PLXNA4: variants seen among roughly 807,000 people sequenced by gnomAD.
PLXNA4 encodes the protein plexin A4, also known as plexin-A4.
In PLXNA4, 44 loss-of-function variants were observed where a neutral mutation model predicts 191.8. That is an observed-to-expected ratio of 0.23 (90% CI 0.18 to 0.29). The LOEUF is 0.29. PLXNA4 is among the 10% of genes least tolerant of loss of function. The pLI is 1.00. For synonymous variants in PLXNA4, 1,082 were observed against 1,009.5 expected, an observed-to-expected ratio of 1.07 and a Z score of -1.36; for missense variants, 1,800 against 2,488.8, an observed-to-expected ratio of 0.72 and a Z score of 5.89.
Position 132,221,094 on chromosome 7 carries a change from C to T in PLXNA4, c.2097+2433G>A, listed in dbSNP as rs534612156. Among the ~76,000 whole-genome samples the T allele has an allele frequency of 4.6e-5, 7 of 152,012 alleles. No individual in the cohort carries two copies. In the East Asian group the frequency reaches 9.7e-4, roughly 21 times the overall value. On this transcript the variant is annotated intron_variant, in intron 9 of 31. Coordinates refer to ENST00000321063, the MANE Select transcript of PLXNA4 (RefSeq NM_020911.2). The stretch of plus-strand genomic sequence containing the variant: ...GAACTCCTGGACTCAAGTGATCCTC[C>T]CACCTTGGCCTGCCAAAGTGCTGGT...
At chr7:132,340,102 C>T (rs1028979397) in intron 3 of PLXNA4, among the ~76,000 whole-genome samples, 2 of 152,178 alleles carry the variant, frequency 1.3e-5, no homozygotes, top group Non-Finnish European at 1.5e-5. Flanking sequence ...GTCTCATTCA[C>T]AATCTTTGCT....
upstream of PLXNA4, among the ~76,000 whole-genome samples, chr7:132,578,652 C>T (rs1039285098): frequency 1.3e-5 from 2 of 152,064 alleles, no homozygotes; most frequent in African/African-American, 4.8e-5. Flanking sequence ...CAGAGAGGAC[C>T]CTGCTGAAAC....
chr7:132,187,456 G>T lies in PLXNA4; in HGVS notation c.2993+15C>A, dbSNP rs369920419. 2.5e-6 allele frequency: 4 copies of T among 1,608,510 alleles called. No homozygotes were observed. Among genetic ancestry groups the T allele is most frequent in the Non-Finnish European group, 3.4e-6 (4 of 1,176,934 alleles). The stretch of plus-strand genomic sequence containing the variant: ...TTCCCTCTCTGGTGCTGCAGAAAGG[G>T]GCCCTCTGAGTTACCTGTGGAAGAG... On this transcript the variant is annotated intron_variant, in intron 15 of 31. Transcript: ENST00000321063.
At chr7:132,285,890 G>C (rs1351298489) in intron 4 of PLXNA4, among the ~76,000 whole-genome samples, 1 of 152,104 alleles carries the variant, frequency 6.6e-6, no homozygotes, top group Non-Finnish European at 1.5e-5. Flanking sequence ...CCAACACCTG[G>C]CCTGTTGAGA....
intron 1 of PLXNA4, among the ~76,000 whole-genome samples, chr7:132,510,451 A>G (rs1585248833): frequency 7.9e-6 from 1 of 126,654 alleles, no homozygotes; most frequent in African/African-American, 2.5e-5. Context: ...AAGGGCCTTC[A>G]TTCATTCACC....
intron 1 of PLXNA4, among the ~76,000 whole-genome samples, chr7:132,575,863 C>T (rs1405726076): frequency 6.6e-6 from 1 of 152,166 alleles, no homozygotes; most frequent in Non-Finnish European, 1.5e-5. Flanking sequence ...AACTGCAGCC[C>T]CAACCGCCTA....
chr7:132,533,957 A>ATTAT (rs1171347778), intron 1 of PLXNA4, among the ~76,000 whole-genome samples: 262 of 152,062 alleles, frequency 1.7e-3, no homozygotes, highest in African/African-American at 6.1e-3. Flanking sequence ...TACTATTATT[A>ATTAT]TGTTAACAAG....
intron 23 of PLXNA4, 97 bp downstream of exon 23, chr7:132,165,037 C>A: frequency 1.3e-6 from 2 of 1,501,576 alleles, no homozygotes; most frequent in South Asian, 2.7e-5. Context: ...AAGAGCCAGG[C>A]CCAGTAAGGG....
In PLXNA4 at chr7:132,508,149, T is replaced by C; in HGVS notation, c.545A>G (p.Lys182Arg). The C allele has an allele frequency of 6.2e-7, 1 of 1,614,228 alleles. No individual in the cohort carries two copies. Among genetic ancestry groups the C allele is most frequent in the Non-Finnish European group, 8.5e-7 (1 of 1,180,054 alleles). The part of the protein sequence containing the change: ...VIVSYSNLDD[K>R]LFIATAVDGK... The stretch of plus-strand genomic sequence containing the variant: ...ATCCACTGCCGTGGCAATGAACAGC[T>C]TGTCATCCAGGTTGCTGTAGGAGAC... Residue 182 changes from lysine to arginine, a missense_variant, in exon 2 of 32, where the codon AAG becomes AGG. By Grantham distance (26) the Lys-to-Arg change is conservative. Around this residue, in one of 6 missense-constraint regions of PLXNA4, gnomAD observed 1,397 missense variants for 1,880.4 expected, o/e 0.74. Coordinates refer to ENST00000321063, the MANE Select transcript of PLXNA4 (RefSeq NM_020911.2). The surrounding 1 kb of genome is among the most constrained non-coding windows in gnomAD (Gnocchi z 4.4).
intron 28 of PLXNA4, 48 bp downstream of exon 28, chr7:132,146,462 C>T: frequency 6.2e-7 from 1 of 1,614,086 alleles, no homozygotes; most frequent in Non-Finnish European, 8.5e-7. Flanking sequence ...GATGAAGTCC[C>T]TCTCCATAGC....
chr7:132,270,634 A>T (rs1563003603), intron 4 of PLXNA4, among the ~76,000 whole-genome samples: 2 of 152,222 alleles, frequency 1.3e-5, no homozygotes. Flanking sequence ...TGTTGTATAT[A>T]TGTAATACCT....
At chr7:132,317,062 G>A (rs1801971110) in intron 3 of PLXNA4, among the ~76,000 whole-genome samples, 2 of 152,272 alleles carry the variant, frequency 1.3e-5, no homozygotes, top group East Asian at 1.9e-4. Context: ...ATTGGATTAG[G>A]TTGGGTTGAA....
At position 132,223,541 on chromosome 7, in the gene PLXNA4, C is replaced by T; in HGVS notation, c.2083G>A (p.Val695Met). Residue 695 changes from valine (V) to methionine (M), a missense_variant, in exon 9 of 32, where the codon GTG (valine) becomes ATG (methionine). By Grantham distance (21) the Val-to-Met change is conservative. Around this residue, in one of 6 missense-constraint regions of PLXNA4, gnomAD observed 1,397 missense variants for 1,880.4 expected, o/e 0.74. Coordinates refer to ENST00000321063, the MANE Select transcript of PLXNA4 (RefSeq NM_020911.2). Reference sequence around the variant, plus strand: ...CAGGGACCTACCTCGGGCAGCTTCACTCGGCCTTCCTGGAAGGAGCAGGTC... The same window carrying T: ...CAGGGACCTACCTCGGGCAGCTTCATTCGGCCTTCCTGGAAGGAGCAGGTC... ...PKTCSFQEGR[V>M]KLPEDCPQLL... is the part of the protein sequence containing the mutation. 1 of 1,613,174 alleles carries T rather than the reference C, an allele frequency of 6.2e-7. No homozygotes were observed. Among genetic ancestry groups the T allele is most frequent in the Non-Finnish European group, 8.5e-7 (1 of 1,179,626 alleles).
At chr7:132,137,799 G>A (rs2116527838) in intron 30 of PLXNA4, among the ~76,000 whole-genome samples, 1 of 151,538 alleles carries the variant, frequency 6.6e-6, no homozygotes, top group Non-Finnish European at 1.5e-5. Context: ...AGGAGTGAGG[G>A]CAGGTGGGAG....
chr7:132,425,295 T>TA (rs571466321), intron 3 of PLXNA4, among the ~76,000 whole-genome samples: 1,968 of 149,430 alleles, frequency 0.013, 14 homozygotes, highest in Middle Eastern at 0.035. Context: ...AGGAAAGCTT[T>TA]AAAAAAAAAA....
At position 132,258,121 on chromosome 7, in the gene PLXNA4, T is replaced by G. The variant is rs530698382; in HGVS notation, c.1504-16955A>C. On this transcript the variant is annotated intron_variant, in intron 4 of 31. Coordinates refer to ENST00000321063, the MANE Select transcript of PLXNA4 (RefSeq NM_020911.2). ...GGAAGGCCACCCTGGTCTGCCCTCA[T>G]GTCGGGTCACTGAGACTCAGCAAAG... is the stretch of plus-strand genomic sequence containing the variant. Among the ~76,000 whole-genome samples the G allele has an allele frequency of 1.1e-4, 16 of 152,372 alleles. No homozygotes were observed. In the East Asian group the frequency reaches 2.7e-3, roughly 26 times the overall value.
intron 1 of PLXNA4, among the ~76,000 whole-genome samples, chr7:132,562,199 C>G (rs1340078169): frequency 1.6e-5 from 2 of 128,676 alleles, no homozygotes; most frequent in Non-Finnish European, 3.2e-5. Context: ...TTCTCCTCCT[C>G]CTCCTTCTCC....
chr7:132,152,582 ATC>A (rs760412000), intron 25 of PLXNA4, among the ~76,000 whole-genome samples: 2 of 152,182 alleles, frequency 1.3e-5, no homozygotes, highest in Non-Finnish European at 2.9e-5. Context: ...CACTAAAAAT[ATC>A]TCTCTTTTGA....
intron 10 of PLXNA4, among the ~76,000 whole-genome samples, chr7:132,207,494 C>A (rs533304785): frequency 2.6e-5 from 4 of 152,294 alleles, no homozygotes; most frequent in African/African-American, 7.2e-5. Flanking sequence ...GCCATGAATA[C>A]CCACAGTTGC....
Sources: allele counts gnomAD v4.1 joint callset (sites outside exome capture counted in the v4.1 genomes callset), GRCh38; gene constraint gnomAD v4.1.1; regional missense constraint gnomAD v4.1.1; non-coding constraint Gnocchi (gnomAD v3.1); transcripts MANE v1.5; gene names NCBI Gene and HGNC (gene_info 2026-07-23, HGNC 2026-07-21).